ADAM32: variants seen among roughly 807,000 people sequenced by gnomAD.
The protein encoded by ADAM32 is disintegrin and metalloproteinase domain-containing protein 32.
A neutral mutation model predicts 114.9 loss-of-function variants in ADAM32; 89 were observed. The ratio of observed to expected loss-of-function variants is 0.77; its 90% CI spans 0.65 to 0.92. The LOEUF (loss-of-function observed/expected upper bound fraction) is 0.92. Ranked by LOEUF, ADAM32 falls within the 40% of genes least tolerant of loss-of-function variation. ADAM32 has a pLI of 0.00. For missense variants in ADAM32, 870 were observed against 932.8 expected (o/e 0.93, Z 0.88); for synonymous variants, 285 against 307.5 (o/e 0.93, Z 0.77).
intron 11 of ADAM32, 75 bp downstream of exon 11, chr8:39,187,120 A>G: frequency 7.2e-7 from 1 of 1,390,578 alleles, no homozygotes; most frequent in Non-Finnish European, 9.6e-7. Flanking sequence ...TTTAGTATTT[A>G]CTTAAAGCAC....
chr8:39,178,615 A>G (rs1805660950), intron 10 of ADAM32, among the ~76,000 whole-genome samples: 1 of 152,086 alleles, frequency 6.6e-6, no homozygotes, highest in African/African-American at 2.4e-5. Flanking sequence ...TTAAGTTTTC[A>G]GTGTTTTTGC....
intron 19 of ADAM32, among the ~76,000 whole-genome samples, chr8:39,259,032 G>A (rs1811841667): frequency 6.6e-6 from 1 of 151,828 alleles, no homozygotes; most frequent in African/African-American, 2.4e-5. Flanking sequence ...TTTAGCTGGT[G>A]TCTTATAAAC....
At chr8:39,206,779 G>T (rs892450987) in intron 11 of ADAM32, among the ~76,000 whole-genome samples, 2 of 152,146 alleles carry the variant, frequency 1.3e-5, no homozygotes, top group African/African-American at 2.4e-5. Flanking sequence ...GGATGTGGGG[G>T]TATGTCAATG....
chr8:39,254,605 A>G (rs907150743), intron 18 of ADAM32, 89 bp downstream of exon 18: 1 of 923,704 alleles, frequency 1.1e-6, no homozygotes, highest in South Asian at 2.0e-5. Context: ...TCCACTTACA[A>G]GGCAACTGAT....
chr8:39,168,472 T>A (rs1449119065), intron 9 of ADAM32: 1 of 152,226 alleles, frequency 6.6e-6, no homozygotes, highest in East Asian at 1.9e-4. Flanking sequence ...ACATTATGCA[T>A]TCATGATAAA....
rs1807912425 is a variant in ADAM32 at position 39,207,346 on chromosome 8, A to AT, written c.1053-3794dup. Among the ~76,000 whole-genome samples, 3 of 152,066 alleles carry AT rather than the reference A, an allele frequency of 2.0e-5. No individual in the cohort carries two copies. In the South Asian group the frequency reaches 6.2e-4, roughly 31 times the overall value. ...AGCCCCCTCCTATTCCTGATATATC[A>AT]TTTTGATAATTTGATTTATATATAC... is the stretch of plus-strand genomic sequence containing the variant. On this transcript the variant is annotated intron_variant, in intron 11 of 24. Coordinates refer to ENST00000379907, the MANE Select transcript of ADAM32 (RefSeq NM_145004.7).
intron 10 of ADAM32, among the ~76,000 whole-genome samples, chr8:39,177,483 A>C (rs1387488835): frequency 6.6e-6 from 1 of 152,086 alleles, no homozygotes; most frequent in Non-Finnish European, 1.5e-5. Flanking sequence ...TTGGGCATTT[A>C]GCCTATTTAC....
In ADAM32 at chr8:39,129,055, G is replaced by A. The variant is rs189140077; in HGVS notation, c.139-7602G>A. Among the ~76,000 whole-genome samples the A allele has an allele frequency of 1.8e-3, 272 of 150,210 alleles. 1 individual carries two copies. The highest frequency in any genetic ancestry group is 4.0e-3 in the Admixed American group (60 of 15,116). ...GTATATGGAAATACACATACACATT[G>A]ATTTTTGTTTATTAATCATGTGTCT... On this transcript the variant is annotated intron_variant, in intron 2 of 24. Coordinates refer to ENST00000379907, the MANE Select transcript of ADAM32 (RefSeq NM_145004.7).
At position 39,257,601 on chromosome 8, in the gene ADAM32, A is replaced by G. The variant is rs528977173; in HGVS notation, c.2162+258A>G. Among the ~76,000 whole-genome samples, 22 of 152,174 alleles carry G rather than the reference A, an allele frequency of 1.4e-4. No homozygotes were observed. The South Asian group carries it at 3.7e-3, about 26-fold the overall frequency. ...GGAAGAAGTCAAATGTTTACGTAAT[A>G]TCTGTTCTTTTCTTATCAAAGGGGA... On this transcript the variant is annotated intron_variant, in intron 19 of 24. Coordinates refer to ENST00000379907, the MANE Select transcript of ADAM32 (RefSeq NM_145004.7).
chr8:39,131,374 T>G (rs944602112), intron 2 of ADAM32, among the ~76,000 whole-genome samples: 1 of 152,050 alleles, frequency 6.6e-6, no homozygotes, highest in Admixed American at 6.5e-5. Context: ...GCCTGTAGTC[T>G]CAGCTACCTG....
In ADAM32 at chr8:39,211,226, C is replaced by T. The variant is rs1302225465; in HGVS notation, c.1135C>T (p.Leu379Phe). 2 of 1,607,526 alleles carry T rather than the reference C, an allele frequency of 1.2e-6. No homozygotes were observed. The highest frequency in any genetic ancestry group is 2.3e-5 in the East Asian group (1 of 44,424). Residue 379 changes from leucine (L) to phenylalanine (F), a missense_variant, in exon 12 of 25, where the codon CTT (leucine) becomes TTT (phenylalanine). By Grantham distance (22) the Leu-to-Phe change is conservative (BLOSUM62 0). Coordinates refer to ENST00000379907, the MANE Select transcript of ADAM32 (RefSeq NM_145004.7). ...CATTTCAAATGTGGGTGTCAAATGT[C>T]TTCAGAATAAGCCACAAATGCAAAA... ...NFISNVGVKC[L>F]QNKPQMQKKS...
In ADAM32 at chr8:39,126,259, G is replaced by A. The variant is rs1224077714; in HGVS notation, c.138+8094G>A. 2.6e-5 allele frequency among the ~76,000 whole-genome samples: 4 copies of A among 152,022 alleles called. No individual in the cohort carries two copies. The South Asian group carries it at 6.2e-4, about 24-fold the overall frequency. On this transcript the variant is annotated intron_variant, in intron 2 of 24. Transcript: ENST00000379907. ...ACATGGAATCTATAAATTATTTTTG[G>A]TAGGCCATAAATTACCATTTTCATG...
rs1251937517 is a variant in ADAM32 at position 39,211,328 on chromosome 8, A to T, written c.1233+4A>T. ...CTGTGATTGTGGTACTGAGGCTGTA[A>T]GTATGATAACTAGGAAAATTGATTA... On this transcript the variant is annotated splice_donor_region_variant and intron_variant, in intron 12 of 24. Coordinates refer to ENST00000379907, the MANE Select transcript of ADAM32 (RefSeq NM_145004.7). The T allele has an allele frequency of 8.7e-6, 13 of 1,488,502 alleles. No individual in the cohort carries two copies. The highest frequency in any genetic ancestry group is 1.1e-5 in the Non-Finnish European group (12 of 1,122,260). 92.2% of individuals were successfully genotyped at this position (1,488,502 alleles called of 1,614,324 possible). A position where few individuals can be genotyped will look rare whatever the true frequency, so the allele number is the denominator to read the frequency against.
intron 16 of ADAM32, among the ~76,000 whole-genome samples, chr8:39,242,111 AAG>A (rs1810600928): frequency 6.6e-6 from 1 of 152,192 alleles, no homozygotes; most frequent in Admixed American, 6.5e-5. Context: ...AAAACATAGT[AAG>A]AGCCACATTT....
intron 21 of ADAM32, among the ~76,000 whole-genome samples, chr8:39,275,309 C>A (rs1303958181): frequency 6.6e-6 from 1 of 152,058 alleles, no homozygotes; most frequent in Non-Finnish European, 1.5e-5. Context: ...ATTTTCAATT[C>A]TCTCTCTCTC....
At position 39,223,035 on chromosome 8, in the gene ADAM32, C is replaced by T. The variant is rs990128104; in HGVS notation, c.1327-5C>T. ...CTTTATTTTTTATGTTCTAACTTCT[C>T]TTAGATTTTACAATCAGGCGTTGAA... On this transcript the variant is annotated splice_polypyrimidine_tract_variant and splice_region_variant and intron_variant, in intron 13 of 24. Transcript: ENST00000379907. 1.9e-6 allele frequency: 3 copies of T among 1,559,528 alleles called. No homozygotes were observed. Among genetic ancestry groups the T allele is most frequent in the Non-Finnish European group, 1.7e-6 (2 of 1,154,942 alleles).
intron 1 of ADAM32, among the ~76,000 whole-genome samples, chr8:39,116,342 A>C (rs1840371467): frequency 6.6e-6 from 1 of 152,184 alleles, no homozygotes; most frequent in South Asian, 2.1e-4. Context: ...GGGCCTTTTA[A>C]CAACGTTGAT....
At position 39,144,684 on chromosome 8, in the gene ADAM32, G is replaced by A. The variant is rs28537254; in HGVS notation, c.201-2446G>A. ...ACACAAAAATGTCATATATGACAAA[G>A]CCATAGCTAACATCATACTCAGTGG... On this transcript the variant is annotated intron_variant, in intron 3 of 24. Coordinates refer to ENST00000379907, the MANE Select transcript of ADAM32 (RefSeq NM_145004.7). Among the ~76,000 whole-genome samples the A allele has an allele frequency of 2.0e-3, 300 of 152,244 alleles. 1 individual carries two copies. The highest frequency in any genetic ancestry group is 6.5e-3 in the African/African-American group (269 of 41,540).
chr8:39,281,170 A>G lies in ADAM32; in HGVS notation c.2314A>G (p.Ser772Gly), dbSNP rs764534580. The G allele has an allele frequency of 6.5e-6, 9 of 1,374,132 alleles. No homozygotes were observed. Among genetic ancestry groups the G allele is most frequent in the Non-Finnish European group, 8.6e-6 (9 of 1,042,758 alleles). 85.1% of individuals were successfully genotyped at this position (1,374,132 alleles called of 1,614,324 possible). A position where few individuals can be genotyped will look rare whatever the true frequency, so the allele number is the denominator to read the frequency against. Residue 772 changes from serine (S) to glycine (G), a missense_variant, in exon 23 of 25, where the codon AGC becomes GGC. By Grantham distance (56) the Ser-to-Gly change is moderately conservative. Transcript: ENST00000379907. ...AGAAGATAGTGCTGAAGCATATACT[A>G]GCAGGTAAGCAGGATAGAAAGTGTT... is the stretch of plus-strand genomic sequence containing the variant. ...KSEDSAEAYT[S>G]RSKSQDSTQT...
Sources: gnomAD v4.1 joint callset for allele counts (sites outside exome capture counted in the v4.1 genomes callset) on GRCh38, gnomAD v4.1.1 for gene constraint, MANE v1.5 for transcripts, NCBI Gene and HGNC (gene_info 2026-07-23, HGNC 2026-07-21) for gene names.